ITCH: variants seen among roughly 807,000 people sequenced by gnomAD.
ITCH encodes E3 ubiquitin-protein ligase Itchy homolog.
In ITCH, 28 loss-of-function variants were observed where a neutral mutation model predicts 126.8. The ratio of observed to expected loss-of-function variants is 0.22; its 90% CI spans 0.16 to 0.30. The LOEUF is 0.30. Ranked by LOEUF, ITCH falls within the 10% of genes least tolerant of loss-of-function variation. The probability of loss-of-function intolerance (pLI) is 1.00; values close to 1 mark genes in which losing one functional copy is unlikely to be tolerated. For synonymous variants in ITCH, 342 were observed against 340.0 expected (o/e 1.01, Z -0.06); for missense variants, 631 against 1,032.4 (o/e 0.61, Z 5.33).
intron 11 of ITCH, 44 bp from the exon 12 acceptor site, chr20:34,449,367 T>C (rs763020072): frequency 2.6e-6 from 3 of 1,168,444 alleles, no homozygotes; most frequent in Non-Finnish European, 3.8e-6. Flanking sequence ...GTCAGATAAG[T>C]TGTTAAGTTG....
At chr20:34,412,773 G>C in intron 5 of ITCH, 134 bp downstream of exon 5, 1 of 714,958 alleles carries the variant, frequency 1.4e-6, no homozygotes, top group Non-Finnish European at 2.3e-6. Context: ...TGAACAGATA[G>C]AAGAATTTTA....
At chr20:34,457,516 A>G (rs762711944) in intron 13 of ITCH, 42 bp downstream of exon 13, 4 of 1,303,088 alleles carry the variant, frequency 3.1e-6, no homozygotes, top group African/African-American at 1.4e-5. Flanking sequence ...CTTAAAGATT[A>G]TACCTTATTT....
At chr20:34,456,652 A>G (rs1452245892) in intron 12 of ITCH, among the ~76,000 whole-genome samples, 5 of 144,982 alleles carry the variant, frequency 3.4e-5, no homozygotes, top group Non-Finnish European at 6.0e-5. Flanking sequence ...AAATATATAT[A>G]TATATATGTG....
intron 2 of ITCH, among the ~76,000 whole-genome samples, chr20:34,382,771 T>G (rs186718678): frequency 1.4e-5 from 2 of 145,106 alleles, no homozygotes; most frequent in East Asian, 4.0e-4. Flanking sequence ...TGAGACAGAG[T>G]CTTGCCTTGT....
At chr20:34,426,205 A>G (rs1000414195) in intron 7 of ITCH, among the ~76,000 whole-genome samples, 8 of 152,254 alleles carry the variant, frequency 5.3e-5, no homozygotes, top group African/African-American at 1.9e-4. Context: ...AGTAGGAAGA[A>G]GATGATGAAC....
chr20:34,417,222 G>C, intron 6 of ITCH: 1 of 651,390 alleles, frequency 1.5e-6, no homozygotes, highest in East Asian at 2.9e-5. Flanking sequence ...TCAGCCTCCC[G>C]AGTAGCTGGG....
At position 34,509,374 on chromosome 20, in the gene ITCH, A is replaced by G. The variant is rs1380768147; in HGVS notation, c.*1580A>G. 6.6e-6 allele frequency: 1 copy of G among 152,404 alleles called. No homozygotes were observed. Among genetic ancestry groups the G allele is most frequent in the Non-Finnish European group, 1.5e-5 (1 of 68,036 alleles). 9.4% of individuals were successfully genotyped at this position (152,404 alleles called of 1,614,324 possible). A position where few individuals can be genotyped will look rare whatever the true frequency, so the allele number is the denominator to read the frequency against. ...ACATTTCAGAGGCATAGCATGAACA[A>G]GTAATATTAAGCCAAGAATAAGCAG... On this transcript the variant is annotated 3_prime_UTR_variant, in exon 25 of 25. Transcript: ENST00000374864.
chr20:34,404,979 A>G (rs144898893), intron 3 of ITCH, among the ~76,000 whole-genome samples: 120 of 151,774 alleles, frequency 7.9e-4, no homozygotes, highest in African/African-American at 2.6e-3. Context: ...ACCAGAAAAA[A>G]AATACAAAAA....
intron 16 of ITCH, chr20:34,475,823 T>C: frequency 1.4e-6 from 1 of 702,648 alleles, no homozygotes; most frequent in Non-Finnish European, 2.5e-6. Context: ...GTAAAGCTAG[T>C]CATAATACAG....
chr20:34,392,137 A>T (rs920808208), intron 2 of ITCH, among the ~76,000 whole-genome samples: 2 of 152,204 alleles, frequency 1.3e-5, no homozygotes, highest in Non-Finnish European at 2.9e-5. Context: ...TGTGATAATG[A>T]TGTCTTTGAG....
intron 6 of ITCH, among the ~76,000 whole-genome samples, chr20:34,416,907 C>T (rs1979937005): frequency 7.8e-6 from 1 of 128,358 alleles, no homozygotes; most frequent in Non-Finnish European, 1.6e-5. Context: ...AGACCTCTTC[C>T]TAGCTTTTTT....
At chr20:34,481,269 C>T (rs562759446) in intron 20 of ITCH, 63 bp downstream of exon 20, 23 of 1,454,360 alleles carry the variant, frequency 1.6e-5, no homozygotes, top group Non-Finnish European at 2.0e-5. Flanking sequence ...TAATTGCTTA[C>T]TAATACTAAT....
intron 20 of ITCH, among the ~76,000 whole-genome samples, chr20:34,486,145 G>A (rs1304829511): frequency 1.3e-5 from 2 of 151,980 alleles, no homozygotes; most frequent in African/African-American, 4.8e-5. Context: ...CTTCCAGGTA[G>A]CTGGAACCAC....
intron 2 of ITCH, among the ~76,000 whole-genome samples, chr20:34,380,605 CTTTTTTTTTT>C (rs35848431): frequency 0.015 from 1,029 of 69,386 alleles, 25 homozygotes; most frequent in African/African-American, 0.059. Flanking sequence ...TTAATGATGT[CTTTTTTTTTT>C]TTTTTTTTTT....
chr20:34,479,572 TC>T, intron 17 of ITCH, 57 bp from the exon 18 acceptor site: 3 of 1,455,722 alleles, frequency 2.1e-6, no homozygotes, highest in Non-Finnish European at 2.9e-6. Context: ...ATAGCACTGT[TC>T]TTTGATTTCT....
At chr20:34,437,598 C>T (rs767293811) in intron 7 of ITCH, among the ~76,000 whole-genome samples, 6 of 152,226 alleles carry the variant, frequency 3.9e-5, no homozygotes, top group Non-Finnish European at 7.3e-5. Flanking sequence ...TGAGCCACAG[C>T]ACCCGGCCTC....
At chr20:34,505,319 C>T (rs1272607011) in intron 24 of ITCH, among the ~76,000 whole-genome samples, 1 of 152,136 alleles carries the variant, frequency 6.6e-6, no homozygotes, top group East Asian at 1.9e-4. Flanking sequence ...GTTGGGATTA[C>T]AGGTGTGAGC....
chr20:34,402,654 C>G, intron 3 of ITCH: 1 of 568,122 alleles, frequency 1.8e-6, no homozygotes, highest in Admixed American at 2.4e-5. Context: ...GTTGTTTTAC[C>G]AACAGCACCA....
intron 1 of ITCH, among the ~76,000 whole-genome samples, chr20:34,363,618 C>A (rs1003198440): frequency 2.0e-5 from 3 of 152,166 alleles, no homozygotes; most frequent in Non-Finnish European, 1.5e-5. Flanking sequence ...TCGCGGGCTC[C>A]AAGTTGTGAA....
Sources: allele counts gnomAD v4.1 joint callset (sites outside exome capture counted in the v4.1 genomes callset), GRCh38; gene constraint gnomAD v4.1.1; transcripts MANE v1.5; gene names NCBI Gene and HGNC (gene_info 2026-07-23, HGNC 2026-07-21).